Variants in CYP2U1 observed in about 807,000 individuals in gnomAD.
CYP2U1 encodes cytochrome P450 2U1.
In CYP2U1, 28 loss-of-function variants were observed where a neutral mutation model predicts 42.8. The observed-to-expected ratio is 0.65, with a 90% CI of 0.48 to 0.90. The LOEUF (loss-of-function observed/expected upper bound fraction) is 0.90, where lower values mean the gene tolerates loss of function less well. CYP2U1 is among the 40% of genes least tolerant of loss of function. The probability of loss-of-function intolerance (pLI) is 0.00; values close to 1 mark genes in which losing one functional copy is unlikely to be tolerated. For synonymous variants in CYP2U1, 296 were observed against 278.9 expected, an observed-to-expected ratio of 1.06 and a Z score of -0.61; for missense variants, 642 against 693.8, an observed-to-expected ratio of 0.93 and a Z score of 0.84.
intron 1 of CYP2U1, 127 bp downstream of exon 1, chr4:107,932,260 GAACT>G: frequency 1.4e-6 from 2 of 1,413,260 alleles, no homozygotes; most frequent in South Asian, 3.0e-5. Context: ...CCTGCATCCT[GAACT>G]AACAGGTGAT....
rs753370695 is a variant in CYP2U1 at position 107,945,462 on chromosome 4, A to G, written c.983A>G (p.Glu328Gly). The change falls in exon 2 of 5, where the codon GAG becomes GGG. Residue 328 changes from glutamate (E) to glycine (G), a missense_variant. Physicochemically the swap from Glu to Gly is moderately conservative, Grantham distance 98 (BLOSUM62 -2). Transcript: ENST00000332884. ...ATGTACCTTCTCCACATGGAAGAGG[A>G]GAGGAAAAATAATAGTAACAGCAGT... ...IDMYLLHMEE[E>G]RKNNSNSSFD... is the part of the protein sequence containing the mutation. The G allele has an allele frequency of 9.9e-6, 16 of 1,614,130 alleles. No individual in the cohort carries two copies. The highest frequency in any genetic ancestry group is 3.3e-5 in the Admixed American group (2 of 60,028).
At chr4:107,943,541 A>G (rs1318840495) in intron 1 of CYP2U1, among the ~76,000 whole-genome samples, 2 of 152,244 alleles carry the variant, frequency 1.3e-5, no homozygotes, top group Non-Finnish European at 2.9e-5. Context: ...TTCCCAAATG[A>G]TAACTAATAG....
chr4:107,945,692 C>T, intron 2 of CYP2U1, 87 bp downstream of exon 2: 2 of 1,468,318 alleles, frequency 1.4e-6, no homozygotes, highest in Non-Finnish European at 1.8e-6. Flanking sequence ...TGGCTTCTAA[C>T]ACTGAGCAAT....
At chr4:107,940,934 C>A (rs1343141656) in intron 1 of CYP2U1, 1 of 151,532 alleles carries the variant, frequency 6.6e-6, no homozygotes, top group Non-Finnish European at 1.5e-5. Context: ...TTTTAATATC[C>A]AATTATATGT....
intron 1 of CYP2U1, chr4:107,941,402 G>A (rs942123824): frequency 1.3e-5 from 2 of 152,096 alleles, no homozygotes; most frequent in Non-Finnish European, 2.9e-5. Flanking sequence ...TAAGGGTACA[G>A]AAAATTTGGC....
In CYP2U1 at chr4:107,945,008, C is replaced by T. The variant is rs200439778; in HGVS notation, c.529C>T (p.Gln177Ter). Residue 177 changes from glutamine to a stop codon, truncating the protein, a stop_gained, in exon 2 of 5, where the codon CAA becomes TAA. Transcript: ENST00000332884. LOFTEE classifies it high-confidence loss of function. ...FAHYGPVWRQ[Q>*]RKFSHSTLRH... ...ACATTATGGTCCCGTCTGGAGACAACAAAGGAAGTTCTCTCATTCAACTCT... is the reference window on the plus strand; with the variant it reads ...ACATTATGGTCCCGTCTGGAGACAATAAAGGAAGTTCTCTCATTCAACTCT... 8 of 1,613,100 alleles carry T rather than the reference C, an allele frequency of 5.0e-6. No individual in the cohort carries two copies. The African/African-American group carries it at 5.4e-5, about 11-fold the overall frequency.
chr4:107,947,578 GC>G (rs1373779714), intron 3 of CYP2U1, 41 bp downstream of exon 3: 1 of 1,605,684 alleles, frequency 6.2e-7, no homozygotes, highest in Admixed American at 1.7e-5. Context: ...CTTGACGGAA[GC>G]AGGGCCCTCT....
In CYP2U1 at chr4:107,949,466, G is replaced by T. The variant is rs755180651; in HGVS notation, c.1405G>T (p.Asp469Tyr). ...GGATTTCTACCCTAATCGATTTCTG[G>T]ATGACCAAGGACAACTAATTAAAAA... ...PEDFYPNRFLDDQGQLIKKET... is the reference protein window; with the variant it reads ...PEDFYPNRFLYDQGQLIKKET... Residue 469 changes from aspartate to tyrosine, a missense_variant, in exon 4 of 5, where the codon GAT (aspartate) becomes TAT (tyrosine). Physicochemically the swap from Asp to Tyr is radical, Grantham distance 160. Transcript: ENST00000332884. 1 of 1,608,648 alleles carries T rather than the reference G, an allele frequency of 6.2e-7. No homozygotes were observed. Among genetic ancestry groups the T allele is most frequent in the South Asian group, 1.1e-5 (1 of 90,098 alleles).
At chr4:107,949,258 A>C (rs1041479329) in intron 3 of CYP2U1, 92 bp from the exon 4 acceptor site, 47 of 1,271,274 alleles carry the variant, frequency 3.7e-5, no homozygotes, top group Non-Finnish European at 4.7e-5. Context: ...TGATAGGTAT[A>C]TAACTACATT....
chr4:107,951,900 A>C lies in CYP2U1; in HGVS notation c.*1477A>C, dbSNP rs1389389633. On this transcript the variant is annotated 3_prime_UTR_variant, in exon 5 of 5. Transcript: ENST00000332884. Reference sequence around the variant, plus strand: ...TGAGGCTTATAGTAGGTAAGGCACAAAGTTAAAAAGTAACATCACTGGGTT... The same window carrying C: ...TGAGGCTTATAGTAGGTAAGGCACACAGTTAAAAAGTAACATCACTGGGTT... 6.6e-6 allele frequency: 1 copy of C among 152,188 alleles called. No homozygotes were observed. Among genetic ancestry groups the C allele is most frequent in the African/African-American group, 2.4e-5 (1 of 41,440 alleles). The allele number at this position is 152,188 out of a possible 1,614,324, so 9.4% of individuals were successfully genotyped here. A position where few individuals can be genotyped will look rare whatever the true frequency, so the allele number is the denominator to read the frequency against.
rs1733898610 is a variant in CYP2U1 at position 107,951,355 on chromosome 4, A to T, written c.*932A>T. 6.6e-6 allele frequency: 1 copy of T among 152,202 alleles called. No individual in the cohort carries two copies. Among genetic ancestry groups the T allele is most frequent in the African/African-American group, 2.4e-5 (1 of 41,442 alleles). The allele number at this position is 152,202 out of a possible 1,614,324, so 9.4% of individuals were successfully genotyped here. The stretch of plus-strand genomic sequence containing the variant: ...GGATTCTGCTTTCAAACTATACTGA[A>T]CATTCCTGTCCTAGCGTCCCTGCCA... On this transcript the variant is annotated 3_prime_UTR_variant, in exon 5 of 5. Transcript: ENST00000332884.
At chr4:107,942,053 A>C (rs17564501) in intron 1 of CYP2U1, among the ~76,000 whole-genome samples, 25,905 of 152,254 alleles carry the variant, frequency 0.17, 2,416 homozygotes, top group Non-Finnish European at 0.21. Context: ...ATCATAAAGA[A>C]GGCAGTTTTC....
intron 1 of CYP2U1, among the ~76,000 whole-genome samples, chr4:107,933,052 G>A (rs140428592): frequency 1.3e-5 from 2 of 152,294 alleles, no homozygotes; most frequent in East Asian, 3.9e-4. Flanking sequence ...TTAAATGAAT[G>A]CTATTTCCTG....
chr4:107,944,852 T>TATATATATATATATATATATATATATA lies in CYP2U1; in HGVS notation c.491-118_491-117insATATATATATATATATATATATATATA, dbSNP rs536313224. On this transcript the variant is annotated intron_variant, in intron 1 of 4. Coordinates refer to ENST00000332884, the MANE Select transcript of CYP2U1 (RefSeq NM_183075.3). ...TCTTTATATATACATATATATATAT[T>TATATATATATATATATATATATATATA]TATATGAGGAATTTTCCATAAGTGA... 4.1e-3 allele frequency: 414 copies of TATATATATATATATATATATATATATA among 100,804 alleles called. 8 individuals are homozygous for TATATATATATATATATATATATATATA. Among genetic ancestry groups the TATATATATATATATATATATATATATA allele is most frequent in the African/African-American group, 5.3e-3 (82 of 15,534 alleles). The allele number at this position is 100,804 out of a possible 1,614,324, so 6.2% of individuals were successfully genotyped here.
chr4:107,938,679 G>A (rs1180247500), intron 1 of CYP2U1: 1 of 152,102 alleles, frequency 6.6e-6, no homozygotes, highest in South Asian at 2.1e-4. Flanking sequence ...TAGCTTGAGG[G>A]TATATTTTTG....
chr4:107,932,065 T>C lies in CYP2U1; in HGVS notation c.422T>C (p.Val141Ala). The change falls in exon 1 of 5, where the codon GTG becomes GCG. Residue 141 changes from valine to alanine, a missense_variant. Transcript: ENST00000332884. The part of the protein sequence containing the change: ...SDFHSVREAL[V>A]QQAEVFSDRP... Reference sequence around the variant, plus strand: ...TTCCACAGCGTGCGCGAGGCGCTGGTGCAGCAGGCCGAGGTCTTCAGCGAC... The same window carrying C: ...TTCCACAGCGTGCGCGAGGCGCTGGCGCAGCAGGCCGAGGTCTTCAGCGAC... 1 of 1,589,960 alleles carries C rather than the reference T, an allele frequency of 6.3e-7. No individual in the cohort carries two copies. The highest frequency in any genetic ancestry group is 8.6e-7 in the Non-Finnish European group (1 of 1,169,170).
Position 107,931,928 on chromosome 4 carries a change from G to T in CYP2U1, c.285G>T (p.Gly95=), listed in dbSNP as rs1440542043. ...SWLSSRTRAA[G]IDPSVIGPQV... is the part of the protein sequence containing the mutation. ...TGAGCAGCAGGACCAGGGCCGCAGG[G>T]ATTGATCCCTCGGTCATAGGCCCGC... The change falls in exon 1 of 5, where the codon GGG becomes GGT. Residue 95 remains glycine (G), a synonymous_variant. Transcript: ENST00000332884. 3 of 1,551,256 alleles carry T rather than the reference G, an allele frequency of 1.9e-6. No individual in the cohort carries two copies. Among genetic ancestry groups the T allele is most frequent in the Non-Finnish European group, 2.6e-6 (3 of 1,146,990 alleles).
intron 4 of CYP2U1, among the ~76,000 whole-genome samples, chr4:107,950,005 A>G (rs994962408): frequency 2.4e-4 from 37 of 152,212 alleles, no homozygotes; most frequent in Non-Finnish European, 3.7e-4. Flanking sequence ...ATCTGTCTCT[A>G]GTTCCTGTCT....
rs191055899 is a variant in CYP2U1 at position 107,953,397 on chromosome 4, A to T, written c.*2974A>T. ...ATACTTTGTTTTATAAGTCTACCTA[A>T]TATCTCATTTTTGATTCTCATCGTT... On this transcript the variant is annotated 3_prime_UTR_variant, in exon 5 of 5. Transcript: ENST00000332884. 4.3e-4 allele frequency: 65 copies of T among 152,316 alleles called. 1 individual carries two copies. Among genetic ancestry groups the T allele is most frequent in the African/African-American group, 1.4e-3 (59 of 41,566 alleles). 9.4% of individuals were successfully genotyped at this position (152,316 alleles called of 1,614,324 possible). A position where few individuals can be genotyped will look rare whatever the true frequency, so the allele number is the denominator to read the frequency against.
Sources: allele counts gnomAD v4.1 joint callset (sites outside exome capture counted in the v4.1 genomes callset), GRCh38; gene constraint gnomAD v4.1.1; transcripts MANE v1.5; gene names NCBI Gene and HGNC (gene_info 2026-07-23, HGNC 2026-07-21).